The following RASEF variants were observed in gnomAD, a reference collection of about 807,000 sequenced individuals.
The protein encoded by RASEF is RAS and EF-hand domain containing.
In RASEF, 68 loss-of-function variants were observed where a neutral mutation model predicts 90.1. That is an observed-to-expected ratio of 0.75 (90% confidence interval 0.62 to 0.92). The LOEUF is 0.92. Among genes scored for constraint, RASEF ranks in the 40% least tolerant of loss-of-function variants. The pLI, the probability that RASEF is intolerant of heterozygous loss-of-function variation, is 0.00. For synonymous variants in RASEF, 331 were observed against 345.2 expected (o/e 0.96, Z 0.46); for missense variants, 949 against 937.2 (o/e 1.01, Z -0.16).
upstream of RASEF, among the ~76,000 whole-genome samples, chr9:83,067,166 T>C (rs977964109): frequency 6.6e-6 from 1 of 152,166 alleles, no homozygotes; most frequent in Non-Finnish European, 1.5e-5. Flanking sequence ...CTGCAGTTAC[T>C]TTGCCCCAGA....
In RASEF at chr9:82,980,073, C is replaced by T. The variant is rs988573946; in HGVS notation, c.*2604G>A. ...TAACAGTGAAAAATATCTCCTTATCCAACATTATTTTCCACAATGAAATTA... is the reference window on the plus strand; with the variant it reads ...TAACAGTGAAAAATATCTCCTTATCTAACATTATTTTCCACAATGAAATTA... On this transcript the variant is annotated 3_prime_UTR_variant, in exon 17 of 17. Transcript: ENST00000376447. 9 of 152,062 alleles carry T rather than the reference C, an allele frequency of 5.9e-5. No homozygotes were observed. Among genetic ancestry groups the T allele is most frequent in the African/African-American group, 2.2e-4 (9 of 41,472 alleles). 9.4% of individuals were successfully genotyped at this position (152,062 alleles called of 1,614,324 possible).
At chr9:83,014,549 C>T (rs551438975) in intron 4 of RASEF, among the ~76,000 whole-genome samples, 1 of 152,248 alleles carries the variant, frequency 6.6e-6, no homozygotes, top group South Asian at 2.1e-4. Context: ...ACCTCCTGAG[C>T]ACAAGCAATC....
the RASEF span, among the ~76,000 whole-genome samples, chr9:83,160,707 G>A: frequency 3.9e-5 from 6 of 152,180 alleles, no homozygotes; most frequent in East Asian, 1.2e-3. Flanking sequence ...TGTCTCCAGG[G>A]TATGTCAGAG....
the RASEF span, among the ~76,000 whole-genome samples, chr9:83,172,165 G>A: frequency 4.6e-5 from 7 of 151,418 alleles, no homozygotes; most frequent in East Asian, 3.9e-4. Context: ...TTCATGACCC[G>A]TTACTCATTC....
intron 12 of RASEF, among the ~76,000 whole-genome samples, chr9:82,999,140 A>G (rs536869247): frequency 1.3e-5 from 2 of 152,208 alleles, no homozygotes; most frequent in African/African-American, 2.4e-5. Flanking sequence ...CGGGTGATCA[A>G]AATAAGAACT....
At chr9:83,139,677 A>G in the RASEF span, among the ~76,000 whole-genome samples, 1 of 152,122 alleles carries the variant, frequency 6.6e-6, no homozygotes, top group African/African-American at 2.4e-5. Flanking sequence ...AAGAAAATCC[A>G]TATATAAGTG....
At chr9:83,170,693 T>G in the RASEF span, among the ~76,000 whole-genome samples, 2 of 151,922 alleles carry the variant, frequency 1.3e-5, no homozygotes, top group Admixed American at 6.6e-5. Flanking sequence ...TAAACAAGAT[T>G]GCTTTCTTGA....
chr9:83,129,744 A>T, the RASEF span, among the ~76,000 whole-genome samples: 153 of 152,304 alleles, frequency 1.0e-3, 1 homozygote, highest in African/African-American at 3.6e-3. Flanking sequence ...CTTCCTCCTC[A>T]AATCCTGGAT....
the RASEF span, among the ~76,000 whole-genome samples, chr9:83,199,527 A>T: frequency 2.0e-5 from 3 of 152,144 alleles, no homozygotes; most frequent in Non-Finnish European, 4.4e-5. Context: ...AGGGAGTGAC[A>T]CCAATATTGC....
chr9:83,049,554 T>A (rs981296606), intron 1 of RASEF, among the ~76,000 whole-genome samples: 1 of 138,344 alleles, frequency 7.2e-6, no homozygotes, highest in Non-Finnish European at 1.5e-5. Context: ...TTTTTTTTTA[T>A]TATACTCTAA....
upstream of RASEF, among the ~76,000 whole-genome samples, chr9:83,063,675 A>C (rs1830256041): frequency 6.6e-6 from 1 of 152,212 alleles, no homozygotes; most frequent in African/African-American, 2.4e-5. Context: ...CCTGAGAAAA[A>C]ATTTGATAAA....
chr9:83,070,365 TA>T, the RASEF span, among the ~76,000 whole-genome samples: 2 of 152,178 alleles, frequency 1.3e-5, no homozygotes, highest in Non-Finnish European at 2.9e-5. Flanking sequence ...CTTCCAGTGT[TA>T]TTTTTTTAAA....
the RASEF span, among the ~76,000 whole-genome samples, chr9:83,147,049 T>TATATATATATAC: frequency 6.7e-6 from 1 of 149,166 alleles, no homozygotes; most frequent in Non-Finnish European, 1.5e-5. Flanking sequence ...TGTATATATA[T>TATATATATATAC]ATATATATAT....
At chr9:83,096,562 C>T in the RASEF span, among the ~76,000 whole-genome samples, 1 of 151,982 alleles carries the variant, frequency 6.6e-6, no homozygotes, top group Non-Finnish European at 1.5e-5. Flanking sequence ...CAGTTAAGGA[C>T]ACTGTGTCAC....
the RASEF span, among the ~76,000 whole-genome samples, chr9:83,164,347 G>GTGTGTGTATATATATATATATATA: frequency 7.7e-6 from 1 of 129,986 alleles, no homozygotes. Context: ...GTATATGTGT[G>GTGTGTGTATATATATATATATATA]TATATATATA....
At chr9:83,029,041 A>G (rs1339701004) in intron 1 of RASEF, among the ~76,000 whole-genome samples, 1 of 152,202 alleles carries the variant, frequency 6.6e-6, no homozygotes, top group African/African-American at 2.4e-5. Context: ...CAGAACTGTG[A>G]GAAAATAAAC....
At chr9:83,114,223 A>G in the RASEF span, among the ~76,000 whole-genome samples, 1 of 152,196 alleles carries the variant, frequency 6.6e-6, no homozygotes. Flanking sequence ...CTTTACTGCA[A>G]TCTCTGAACA....
chr9:83,018,752 C>A (rs28882797), intron 3 of RASEF, among the ~76,000 whole-genome samples: 2 of 151,964 alleles, frequency 1.3e-5, no homozygotes, highest in African/African-American at 4.8e-5. Context: ...TATAAACCAA[C>A]AGGTATCAAG....
the RASEF span, among the ~76,000 whole-genome samples, chr9:83,192,343 G>A: frequency 3.3e-5 from 5 of 152,178 alleles, no homozygotes; most frequent in South Asian, 1.0e-3. Context: ...AAGAAAACAT[G>A]GTACATATAC....
Sources: allele counts gnomAD v4.1 joint callset (sites outside exome capture counted in the v4.1 genomes callset), GRCh38; gene constraint gnomAD v4.1.1; transcripts MANE v1.5; gene names NCBI Gene and HGNC (gene_info 2026-07-23, HGNC 2026-07-21).